LHX4: variants seen among roughly 807,000 people sequenced by gnomAD.
LHX4 encodes the protein LIM homeobox 4.
LHX4 carries 16 observed loss-of-function variants against 39.2 expected under a neutral mutation model. The ratio of observed to expected loss-of-function variants is 0.41; its 90% CI spans 0.28 to 0.62. The LOEUF is 0.62. Ranked by LOEUF, LHX4 falls within the 20% of genes least tolerant of loss-of-function variation. The pLI is 0.33. For synonymous variants in LHX4, 206 were observed against 198.1 expected, an observed-to-expected ratio of 1.04 and a Z score of -0.33; for missense variants, 439 against 511.9, an observed-to-expected ratio of 0.86 and a Z score of 1.37.
At chr1:180,228,854 G>A (rs1329491927), upstream of LHX4, among the ~76,000 whole-genome samples, 1 of 152,184 alleles carries the variant, frequency 6.6e-6, no homozygotes, top group African/African-American at 2.4e-5. Flanking sequence ...CTGGAAGGCT[G>A]GGGAGGGCAC....
Position 180,266,718 on chromosome 1 carries a change from C to T in LHX4, c.451+124C>T. On this transcript the variant is annotated intron_variant, in intron 3 of 5. Coordinates refer to ENST00000263726, the MANE Select transcript of LHX4 (RefSeq NM_033343.4). The surrounding 1 kb of genome is among the most constrained non-coding windows in gnomAD (Gnocchi z 5.7). ...CCTCAGAGCCCTACTCATGCACCGC[C>T]ACCTCTGAGAAGCGTCCCAGATCTC... 1.1e-6 allele frequency: 1 copy of T among 932,442 alleles called. No homozygotes were observed. The highest frequency in any genetic ancestry group is 1.4e-5 in the South Asian group (1 of 71,280). The allele number at this position is 932,442 out of a possible 1,614,324, so 57.8% of individuals were successfully genotyped here. A position where few individuals can be genotyped will look rare whatever the true frequency, so the allele number is the denominator to read the frequency against.
chr1:180,237,008 A>G (rs1208709587), intron 1 of LHX4, among the ~76,000 whole-genome samples: 1 of 152,216 alleles, frequency 6.6e-6, no homozygotes, highest in Non-Finnish European at 1.5e-5. Flanking sequence ...AACAATGCCC[A>G]TAACAGAGAT....
intron 2 of LHX4, among the ~76,000 whole-genome samples, chr1:180,256,592 T>C (rs1054482654): frequency 2.0e-5 from 3 of 152,054 alleles, no homozygotes; most frequent in African/African-American, 7.2e-5. Context: ...AATTGATGAG[T>C]GACCTGCAGA....
chr1:180,243,815 C>T (rs1647275864), intron 1 of LHX4, among the ~76,000 whole-genome samples: 1 of 152,236 alleles, frequency 6.6e-6, no homozygotes, highest in South Asian at 2.1e-4. Context: ...GCTCAAGAGG[C>T]CAGTGGTCTT....
intron 1 of LHX4, among the ~76,000 whole-genome samples, chr1:180,235,925 G>A (rs1367509370): frequency 6.6e-6 from 1 of 152,168 alleles, no homozygotes; most frequent in Non-Finnish European, 1.5e-5. Flanking sequence ...CTTTTAAAGA[G>A]ATCCGAAGGG....
At chr1:180,269,187 T>G (rs749892387) in intron 3 of LHX4, among the ~76,000 whole-genome samples, 9 of 152,036 alleles carry the variant, frequency 5.9e-5, no homozygotes, top group Non-Finnish European at 1.0e-4. Context: ...CCATAACCAG[T>G]GAAGTGTATC....
rs1003408244 is a variant in LHX4 at position 180,277,881 on chromosome 1, G to GC, written c.*3302_*3303insC. 4 of 149,606 alleles carry GC rather than the reference G, an allele frequency of 2.7e-5. No homozygotes were observed. Among genetic ancestry groups the GC allele is most frequent in the African/African-American group, 9.8e-5 (4 of 40,872 alleles). 9.3% of individuals were successfully genotyped at this position (149,606 alleles called of 1,614,324 possible). A position where few individuals can be genotyped will look rare whatever the true frequency, so the allele number is the denominator to read the frequency against. ...GCAGTGTCCTTAAACTTTTTTTGGGGGGGGGCAGTGTAAAACATGAAACCT... is the reference window on the plus strand; with the variant it reads ...GCAGTGTCCTTAAACTTTTTTTGGGGCGGGGGCAGTGTAAAACATGAAACCT... On this transcript the variant is annotated 3_prime_UTR_variant, in exon 6 of 6. Coordinates refer to ENST00000263726, the MANE Select transcript of LHX4 (RefSeq NM_033343.4).
chr1:180,264,378 A>ACACACACACACACACACACACAC (rs1242935728), intron 2 of LHX4, among the ~76,000 whole-genome samples: 2 of 145,302 alleles, frequency 1.4e-5, no homozygotes, highest in Non-Finnish European at 1.5e-5. Flanking sequence ...ACACACACAT[A>ACACACACACACACACACACACAC]ACACACACAC....
intron 2 of LHX4, among the ~76,000 whole-genome samples, chr1:180,260,220 C>A (rs1291294887): frequency 6.6e-6 from 1 of 151,736 alleles, no homozygotes; most frequent in Non-Finnish European, 1.5e-5. Context: ...CAGGTTGGTG[C>A]TAGGAGAATG....
At chr1:180,261,760 G>A (rs1648120855) in intron 2 of LHX4, among the ~76,000 whole-genome samples, 1 of 152,202 alleles carries the variant, frequency 6.6e-6, no homozygotes, top group Non-Finnish European at 1.5e-5. Context: ...TTGATGTTCT[G>A]CAGGAAGGGG....
chr1:180,261,032 G>A (rs141353549), intron 2 of LHX4, among the ~76,000 whole-genome samples: 1 of 151,872 alleles, frequency 6.6e-6, no homozygotes. Flanking sequence ...CAGCAAGTGG[G>A]ATGTAAAGTC....
rs1478258417 is a variant in LHX4, at chr1:180,234,376, G to C, written c.76+3771G>C. On this transcript the variant is annotated intron_variant, in intron 1 of 5. Transcript: ENST00000263726. This position sits in a 1 kb window ranked among gnomAD's most constrained non-coding sequence, Gnocchi z 4.8. ...CCCGCCGGCCGATTCGGGCCTGATG[G>C]GTTGGGGGTTCCGATGTCCTAACTG... 1.3e-5 allele frequency among the ~76,000 whole-genome samples: 2 copies of C among 152,012 alleles called. No homozygotes were observed. The highest frequency in any genetic ancestry group is 2.9e-5 in the Non-Finnish European group (2 of 67,964).
chr1:180,248,947 C>T (rs1019013917), intron 2 of LHX4, among the ~76,000 whole-genome samples: 9 of 152,344 alleles, frequency 5.9e-5, no homozygotes, highest in Non-Finnish European at 1.5e-5. Flanking sequence ...GCAAGAGTTG[C>T]TTCTGGCAGG....
chr1:180,233,327 T>C (rs1003100150), intron 1 of LHX4, among the ~76,000 whole-genome samples: 1 of 152,356 alleles, frequency 6.6e-6, no homozygotes, highest in East Asian at 1.9e-4. Flanking sequence ...CCTGGTTTTT[T>C]ACCGCGCCTT....
chr1:180,263,442 G>C (rs1489909500), intron 2 of LHX4, among the ~76,000 whole-genome samples: 1 of 152,190 alleles, frequency 6.6e-6, no homozygotes, highest in Admixed American at 6.5e-5. Flanking sequence ...AGATGGGGTG[G>C]AGGGTGATCT....
intron 2 of LHX4, among the ~76,000 whole-genome samples, chr1:180,262,506 C>T (rs1648148537): frequency 6.6e-6 from 1 of 152,074 alleles, no homozygotes; most frequent in African/African-American, 2.4e-5. Context: ...CACAGCACTG[C>T]TAATGTAAAT....
At chr1:180,235,794 G>C (rs117621665) in intron 1 of LHX4, among the ~76,000 whole-genome samples, 1 of 152,202 alleles carries the variant, frequency 6.6e-6, no homozygotes, top group Non-Finnish European at 1.5e-5. Flanking sequence ...GCGGGCCACC[G>C]GGTGCACTCA....
In LHX4 at chr1:180,234,558, T is replaced by C. The variant is rs1045686529; in HGVS notation, c.76+3953T>C. 6.6e-6 allele frequency among the ~76,000 whole-genome samples: 1 copy of C among 152,042 alleles called. No homozygotes were observed. Among genetic ancestry groups the C allele is most frequent in the African/African-American group, 2.4e-5 (1 of 41,420 alleles). ...TCCGGCCTCCTCCTTTCCAGGGCCT[T>C]GTTATCTGAGAGGGCCGTTAGCACG... On this transcript the variant is annotated intron_variant, in intron 1 of 5. Coordinates refer to ENST00000263726, the MANE Select transcript of LHX4 (RefSeq NM_033343.4). This position sits in a 1 kb window ranked among gnomAD's most constrained non-coding sequence, Gnocchi z 4.8.
intron 3 of LHX4, 151 bp from the exon 4 acceptor site, chr1:180,271,229 G>A (rs1648635428): frequency 2.4e-6 from 2 of 824,024 alleles, no homozygotes; most frequent in Non-Finnish European, 4.2e-6. Flanking sequence ...ATGAGAGTGG[G>A]GACCTCTCCA....
Sources: allele counts gnomAD v4.1 joint callset (sites outside exome capture counted in the v4.1 genomes callset), GRCh38; gene constraint gnomAD v4.1.1; non-coding constraint Gnocchi (gnomAD v3.1); transcripts MANE v1.5; gene names NCBI Gene and HGNC (gene_info 2026-07-23, HGNC 2026-07-21).